Variants in HS1BP3 observed in about 807,000 individuals in gnomAD.
HS1BP3 encodes the protein HCLS1-binding protein 3.
Under a neutral mutation model 33.5 loss-of-function variants are expected in HS1BP3, and 32 were observed. The ratio of observed to expected loss-of-function variants is 0.95; its 90% CI spans 0.72 to 1.28. The LOEUF is 1.28. Among genes scored for constraint, HS1BP3 ranks in the 50% most tolerant of loss-of-function variants. The pLI is 0.00. For missense variants in HS1BP3, 486 were observed against 502.3 expected (o/e 0.97, Z 0.31); for synonymous variants, 187 against 209.2 (o/e 0.89, Z 0.92).
At chr2:20,640,911 G>C (rs773776813) in intron 3 of HS1BP3, 62 bp downstream of exon 3, 1 of 1,522,222 alleles carries the variant, frequency 6.6e-7, no homozygotes, top group South Asian at 1.1e-5. Context: ...ACTGGGGCAC[G>C]GCAGCGGGGC....
At chr2:20,629,821 G>A (rs1400786836) in intron 4 of HS1BP3, among the ~76,000 whole-genome samples, 1 of 152,214 alleles carries the variant, frequency 6.6e-6, no homozygotes, top group African/African-American at 2.4e-5. Flanking sequence ...TACGGGGTGA[G>A]AGGCGGCAGC....
chr2:20,641,263 GC>G, intron 2 of HS1BP3, 83 bp from the exon 3 acceptor site: 2 of 1,269,272 alleles, frequency 1.6e-6, no homozygotes, highest in Non-Finnish European at 2.2e-6. Flanking sequence ...GGTTCCCAAG[GC>G]CCAGCAGCCA....
exon 4 of HS1BP3, chr2:20,592,690 C>T (rs1211505309): frequency 6.6e-6 from 1 of 152,380 alleles, no homozygotes; most frequent in African/African-American, 2.4e-5. Flanking sequence ...TTCTTTGCCT[C>T]TTCCAGTTCC....
At chr2:20,566,701 G>C (rs1318232079) in intron 5 of HS1BP3, among the ~76,000 whole-genome samples, 2 of 152,014 alleles carry the variant, frequency 1.3e-5, no homozygotes, top group Non-Finnish European at 2.9e-5. Context: ...CTGCCTCCTG[G>C]GCTCAAGCGA....
At chr2:20,572,528 G>GT (rs1012506609) in intron 5 of HS1BP3, among the ~76,000 whole-genome samples, 196 of 150,830 alleles carry the variant, frequency 1.3e-3, no homozygotes, top group Admixed American at 3.8e-3. Context: ...TTCTTATTTT[G>GT]TTTTTTTTTC....
intron 3 of HS1BP3, among the ~76,000 whole-genome samples, chr2:20,597,902 A>T (rs1242196017): frequency 6.6e-6 from 1 of 152,118 alleles, no homozygotes; most frequent in African/African-American, 2.4e-5. Context: ...AGGGCCTGGC[A>T]GGGGAGCCGG....
intron 5 of HS1BP3, among the ~76,000 whole-genome samples, chr2:20,584,524 A>T (rs1254084818): frequency 6.6e-6 from 1 of 152,256 alleles, no homozygotes; most frequent in Admixed American, 6.5e-5. Context: ...TCTTCGGGTC[A>T]GCAGGGGAGG....
chr2:20,600,066 A>G (rs1470699142), intron 2 of HS1BP3, among the ~76,000 whole-genome samples: 1 of 152,088 alleles, frequency 6.6e-6, no homozygotes, highest in Non-Finnish European at 1.5e-5. Context: ...CTTCCTGGGG[A>G]GAGTAATGCC....
At chr2:20,599,254 A>C (rs1252999693) in intron 2 of HS1BP3, among the ~76,000 whole-genome samples, 1 of 152,252 alleles carries the variant, frequency 6.6e-6, no homozygotes, top group Non-Finnish European at 1.5e-5. Context: ...GTGAGGACAC[A>C]GCAGTACCCA....
chr2:20,649,575 C>T lies in HS1BP3; in HGVS notation c.32+1457G>A, dbSNP rs534314717. Among the ~76,000 whole-genome samples the T allele has an allele frequency of 3.3e-5, 5 of 152,370 alleles. No individual in the cohort carries two copies. The East Asian group carries it at 5.8e-4, about 18-fold the overall frequency. On this transcript the variant is annotated intron_variant, in intron 1 of 6. Coordinates refer to ENST00000304031, the MANE Select transcript of HS1BP3 (RefSeq NM_022460.4). Reference sequence around the variant, plus strand: ...ACTTGTTTGTCTCCTAGAACTAGGGCCAGTACCCGGTACAGAGAAGGCTCT... The same window carrying T: ...ACTTGTTTGTCTCCTAGAACTAGGGTCAGTACCCGGTACAGAGAAGGCTCT...
At chr2:20,609,722 G>A (rs1246111300) in intron 2 of HS1BP3, among the ~76,000 whole-genome samples, 1 of 152,202 alleles carries the variant, frequency 6.6e-6, no homozygotes, top group Non-Finnish European at 1.5e-5. Flanking sequence ...GGAGAGAGAT[G>A]CTGTCAAGGA....
rs35644786 is a variant in HS1BP3, at chr2:20,601,770, C to CTTTTTTT, written c.179-3512_179-3506dup. On this transcript the variant is annotated intron_variant, in intron 2 of 3. Coordinates refer to the HS1BP3 transcript ENST00000415264. ...ATCACCCAGTTTTCAAGTGTGTCTT[C>CTTTTTTT]TTTTTTTTTTTTTTTTTTTTTTTTT... is the stretch of plus-strand genomic sequence containing the variant. 4.8e-4 allele frequency among the ~76,000 whole-genome samples: 33 copies of CTTTTTTT among 69,148 alleles called. 3 individuals carry two copies. Among genetic ancestry groups the CTTTTTTT allele is most frequent in the Admixed American group, 1.2e-3 (5 of 4,004 alleles). The allele number at this position is 69,148 out of a possible 152,430, so 45.4% of individuals were successfully genotyped here. A position where few individuals can be genotyped will look rare whatever the true frequency, so the allele number is the denominator to read the frequency against.
chr2:20,555,247 C>T, the HS1BP3 span, among the ~76,000 whole-genome samples: 1 of 152,178 alleles, frequency 6.6e-6, no homozygotes, highest in Non-Finnish European at 1.5e-5. Context: ...TTGAGTGAGC[C>T]CAAGGTGGGC....
downstream of HS1BP3, among the ~76,000 whole-genome samples, chr2:20,588,035 C>T (rs141663758): frequency 1.2e-3 from 190 of 152,050 alleles, 1 homozygote; most frequent in South Asian, 3.1e-3. Flanking sequence ...ATAGGAGGCA[C>T]TCTCATCCAG....
chr2:20,649,737 A>AGG (rs1201396942), intron 1 of HS1BP3, among the ~76,000 whole-genome samples: 1 of 152,170 alleles, frequency 6.6e-6, no homozygotes, highest in Non-Finnish European at 1.5e-5. Flanking sequence ...GTTTGGACTC[A>AGG]CCCTGCAGGC....
the HS1BP3 span, among the ~76,000 whole-genome samples, chr2:20,554,947 T>C: frequency 3.3e-5 from 5 of 152,276 alleles, no homozygotes; most frequent in Admixed American, 2.6e-4. Flanking sequence ...CGTGGCCACC[T>C]TTCCAGCTCC....
At chr2:20,580,880 C>G (rs1451165317) in intron 5 of HS1BP3, among the ~76,000 whole-genome samples, 1 of 152,200 alleles carries the variant, frequency 6.6e-6, no homozygotes, top group Non-Finnish European at 1.5e-5. Context: ...GTTCAGTGTG[C>G]ATGGACCATG....
intron 4 of HS1BP3, chr2:20,635,539 T>C (rs1330989536): frequency 1.3e-5 from 2 of 152,240 alleles, no homozygotes; most frequent in Non-Finnish European, 2.9e-5. Context: ...TGAGTCACAA[T>C]GAAAAAGGTT....
downstream of HS1BP3, among the ~76,000 whole-genome samples, chr2:20,614,420 G>C (rs1010607888): frequency 6.6e-6 from 1 of 152,236 alleles, no homozygotes; most frequent in Non-Finnish European, 1.5e-5. Context: ...GAGGGGGAAG[G>C]ACAGGCAGAG....
Sources: gnomAD v4.1 joint callset for allele counts (sites outside exome capture counted in the v4.1 genomes callset) on GRCh38, gnomAD v4.1.1 for gene constraint, MANE v1.5 for transcripts, NCBI Gene and HGNC (gene_info 2026-07-23, HGNC 2026-07-21) for gene names.